STS: variants seen among roughly 807,000 people sequenced by gnomAD.
STS encodes the protein steroid sulfatase, also known as steryl-sulfatase.
STS carries 7 observed loss-of-function variants against 26.8 expected under a neutral mutation model. The observed-to-expected ratio is 0.26, with a 90% CI of 0.15 to 0.49. The LOEUF (loss-of-function observed/expected upper bound fraction) is 0.49. Among genes scored for constraint, STS ranks in the 20% least tolerant of loss-of-function variants. STS has a pLI of 0.98. For synonymous variants in STS, 199 were observed against 189.4 expected (o/e 1.05, Z -0.42); for missense variants, 434 against 465.6 (o/e 0.93, Z 0.63).
Position 7,350,334 on chromosome X carries a change from A to G in STS, c.*73A>G. 1 of 1,122,352 alleles carries G rather than the reference A, an allele frequency of 8.9e-7. No homozygotes were observed. The highest frequency in any genetic ancestry group is 1.2e-6 in the Non-Finnish European group (1 of 841,397). The allele number at this position is 1,122,352 out of a possible 1,213,427, so 92.5% of individuals were successfully genotyped here. A position where few individuals can be genotyped will look rare whatever the true frequency, so the allele number is the denominator to read the frequency against. ...CACTACAAACACGCCTGAGAGTGGC[A>G]CTGGGGAAACATAACTCCATCTACA... On this transcript the variant is annotated 3_prime_UTR_variant, in exon 11 of 11. Transcript: ENST00000674429.
In STS at chrX:7,205,380, G is replaced by A. The variant is rs193206042; in HGVS notation, c.-5+14372G>A. Among the ~76,000 whole-genome samples, 401 of 111,674 alleles carry A rather than the reference G, an allele frequency of 3.6e-3. 2 individuals are homozygous for A. The highest frequency in any genetic ancestry group is 0.013 in the African/African-American group (387 of 30,691). ...GGTTCTTTGGGGATATTACATGTGA[G>A]AGTGCAACCACAGAAAATCACATCA... is the stretch of plus-strand genomic sequence containing the variant. On this transcript the variant is annotated intron_variant, in intron 2 of 10. Transcript: ENST00000674429.
At chrX:7,169,127 G>A (rs1391572003) in intron 1 of STS, among the ~76,000 whole-genome samples, 2 of 110,010 alleles carry the variant, frequency 1.8e-5, no homozygotes, top group Non-Finnish European at 3.8e-5. Context: ...CTTTAACAGC[G>A]ATTCCACATT....
Position 7,276,092 on chromosome X carries a change from G to A in STS, c.943+5G>A. 5.0e-6 allele frequency: 6 copies of A among 1,208,814 alleles called. No homozygotes were observed. Among genetic ancestry groups the A allele is most frequent in the Non-Finnish European group, 6.7e-6 (6 of 894,082 alleles). On this transcript the variant is annotated splice_donor_5th_base_variant and intron_variant, in intron 7 of 10. Transcript: ENST00000674429. ...AGGAAATGGACTGGAGTGTGGGTAC[G>A]TTTCTCCTCAGTGAGTGCTTAGAAA...
chrX:7,325,629 T>A, intron 9 of STS, 131 bp downstream of exon 9: 1 of 748,829 alleles, frequency 1.3e-6, no homozygotes, highest in Non-Finnish European at 2.1e-6. Context: ...AATCACAGGT[T>A]TGAGGCAGGT....
chrX:7,206,424 T>C (rs1351554826), intron 2 of STS, among the ~76,000 whole-genome samples: 1 of 112,521 alleles, frequency 8.9e-6, no homozygotes, highest in Admixed American at 9.4e-5. Flanking sequence ...TCTCTAAATG[T>C]ACTTTTCTCA....
intron 8 of STS, among the ~76,000 whole-genome samples, chrX:7,306,185 A>C (rs1291968008): frequency 9.0e-6 from 1 of 111,451 alleles, no homozygotes; most frequent in Non-Finnish European, 1.9e-5. Flanking sequence ...TATCTTATGT[A>C]CTTATACATA....
chrX:7,151,472 A>G (rs1224714731), intron 1 of STS, among the ~76,000 whole-genome samples: 8 of 111,578 alleles, frequency 7.2e-5, no homozygotes, highest in African/African-American at 2.6e-4. Context: ...CTTCCCCTAG[A>G]TAGCTGGCTT....
intron 7 of STS, among the ~76,000 whole-genome samples, chrX:7,295,589 A>G (rs74577156): frequency 2.7e-5 from 3 of 111,001 alleles, no homozygotes; most frequent in East Asian, 5.7e-4. Flanking sequence ...TATCTTTTTT[A>G]TTACTAGCTC....
At chrX:7,324,887 T>C (rs1927321346) in intron 8 of STS, among the ~76,000 whole-genome samples, 3 of 111,792 alleles carry the variant, frequency 2.7e-5, no homozygotes, top group African/African-American at 6.5e-5. Context: ...CTTAGTCACA[T>C]GTTTAAAGTC....
intron 8 of STS, among the ~76,000 whole-genome samples, chrX:7,306,373 A>G (rs1264321033): frequency 9.0e-6 from 1 of 111,486 alleles, no homozygotes; most frequent in African/African-American, 3.3e-5. Flanking sequence ...TTGAAGGTAC[A>G]AGAAGAGATG....
intron 2 of STS, among the ~76,000 whole-genome samples, chrX:7,205,688 G>C (rs1372538086): frequency 4.1e-5 from 4 of 97,280 alleles, no homozygotes; most frequent in Admixed American, 1.2e-4. Flanking sequence ...GCAAGAGCAA[G>C]GCACTCCTGG....
intron 2 of STS, among the ~76,000 whole-genome samples, chrX:7,210,597 G>A (rs1921001842): frequency 9.6e-6 from 1 of 103,780 alleles, no homozygotes; most frequent in African/African-American, 3.5e-5. Flanking sequence ...ATACATAAAT[G>A]AATAAATATT....
At chrX:7,340,686 A>G (rs1311747722) in intron 10 of STS, among the ~76,000 whole-genome samples, 1 of 112,162 alleles carries the variant, frequency 8.9e-6, no homozygotes, top group African/African-American at 3.2e-5. Flanking sequence ...AGTAGTTTAC[A>G]TTAGAGAGAA....
chrX:7,200,393 C>T (rs190787736), intron 2 of STS, among the ~76,000 whole-genome samples: 1 of 111,385 alleles, frequency 9.0e-6, no homozygotes, highest in African/African-American at 3.3e-5. Context: ...CATATTATGA[C>T]GTCTCTGATG....
At chrX:7,290,100 T>C (rs148529194) in intron 7 of STS, among the ~76,000 whole-genome samples, 4,639 of 111,695 alleles carry the variant, frequency 0.042, 225 homozygotes, top group African/African-American at 0.14. Flanking sequence ...GAAATACAAC[T>C]CATGAGATCA....
intron 2 of STS, among the ~76,000 whole-genome samples, chrX:7,193,753 T>C (rs1213381358): frequency 9.0e-6 from 1 of 111,273 alleles, no homozygotes; most frequent in Non-Finnish European, 1.9e-5. Context: ...GCTTCACAAT[T>C]CAGAATTCAG....
chrX:7,336,633 C>T (rs1360736244), intron 10 of STS, among the ~76,000 whole-genome samples: 1 of 112,088 alleles, frequency 8.9e-6, no homozygotes, highest in African/African-American at 3.2e-5. Flanking sequence ...AATACTCCTT[C>T]TTTTTTAGAT....
chrX:7,149,303 T>A (rs1480903946), intron 1 of STS, among the ~76,000 whole-genome samples: 1 of 111,422 alleles, frequency 9.0e-6, no homozygotes, highest in Non-Finnish European at 1.9e-5. Flanking sequence ...GCAGACATAG[T>A]GGACAGGGGC....
chrX:7,169,720 G>A (rs970838906), intron 1 of STS, among the ~76,000 whole-genome samples: 3 of 112,164 alleles, frequency 2.7e-5, no homozygotes, highest in African/African-American at 9.7e-5. Context: ...CTTGTGTTGA[G>A]GAGAAAATAG....
Sources: allele counts gnomAD v4.1 joint callset (sites outside exome capture counted in the v4.1 genomes callset), GRCh38; gene constraint gnomAD v4.1.1; transcripts MANE v1.5; gene names NCBI Gene and HGNC (gene_info 2026-07-23, HGNC 2026-07-21).